Variants in SLIT3 observed in about 807,000 individuals in gnomAD.
SLIT3 encodes slit homolog 3 protein.
A neutral mutation model predicts 184.0 loss-of-function variants in SLIT3; 68 were observed. The ratio of observed to expected loss-of-function variants is 0.37; its 90% CI spans 0.30 to 0.45. The LOEUF (loss-of-function observed/expected upper bound fraction) is 0.45. SLIT3 is among the 20% of genes least tolerant of loss of function. The probability of loss-of-function intolerance (pLI) is 1.00; values close to 1 mark genes in which losing one functional copy is unlikely to be tolerated. For missense variants in SLIT3, 1,707 were observed against 2,026.0 expected, an observed-to-expected ratio of 0.84 and a Z score of 3.02; for synonymous variants, 831 against 828.6, an observed-to-expected ratio of 1.00 and a Z score of -0.05.
chr5:168,689,968 G>T (rs1056721284), intron 29 of SLIT3, among the ~76,000 whole-genome samples: 7 of 152,172 alleles, frequency 4.6e-5, no homozygotes, highest in African/African-American at 1.7e-4. Flanking sequence ...GATTATGAAA[G>T]CTAGACTGAT....
intron 4 of SLIT3, among the ~76,000 whole-genome samples, chr5:169,139,096 T>C (rs1192870450): frequency 6.6e-6 from 1 of 152,190 alleles, no homozygotes; most frequent in African/African-American, 2.4e-5. Context: ...AAGTCCTCTG[T>C]CACTGGTGAT....
chr5:169,277,540 C>G (rs919176001), intron 1 of SLIT3, among the ~76,000 whole-genome samples: 1 of 152,326 alleles, frequency 6.6e-6, no homozygotes, highest in African/African-American at 2.4e-5. Context: ...GAGTGGCCAG[C>G]AGAATGTTTT....
chr5:169,223,063 G>A (rs1435147520), intron 3 of SLIT3, among the ~76,000 whole-genome samples: 2 of 152,170 alleles, frequency 1.3e-5, no homozygotes, highest in Admixed American at 1.3e-4. Flanking sequence ...GGTTATTAAA[G>A]GCAACTGTAA....
intron 35 of SLIT3, among the ~76,000 whole-genome samples, chr5:168,667,358 TTTTGTATGCTA>T (rs1761090264): frequency 6.6e-6 from 1 of 152,250 alleles, no homozygotes; most frequent in South Asian, 2.1e-4. Flanking sequence ...CAGTATATGT[TTTTGTATGCTA>T]TAAGACATTT....
intron 4 of SLIT3, among the ~76,000 whole-genome samples, chr5:169,169,675 G>A (rs1278012660): frequency 6.6e-6 from 1 of 152,196 alleles, no homozygotes; most frequent in Non-Finnish European, 1.5e-5. Flanking sequence ...ATGGTAATTA[G>A]CACACCCCAA....
intron 2 of SLIT3, among the ~76,000 whole-genome samples, chr5:169,245,439 A>G (rs1440065756): frequency 6.6e-6 from 1 of 152,052 alleles, no homozygotes; most frequent in Non-Finnish European, 1.5e-5. Context: ...AGAATTTAGC[A>G]TATAATGAAA....
intron 16 of SLIT3, 81 bp downstream of exon 16, chr5:168,760,780 CG>C: frequency 9.8e-7 from 1 of 1,016,424 alleles, no homozygotes; most frequent in Non-Finnish European, 1.6e-6. Flanking sequence ...GGGGAGAGGC[CG>C]GTCCCCTGGT....
At chr5:169,104,204 A>G (rs761776076) in intron 4 of SLIT3, among the ~76,000 whole-genome samples, 19 of 152,156 alleles carry the variant, frequency 1.2e-4, no homozygotes, top group Non-Finnish European at 2.6e-4. Context: ...CCTTGCCAAG[A>G]GGTGCACCCA....
intron 1 of SLIT3, among the ~76,000 whole-genome samples, chr5:169,268,815 C>A (rs1766495334): frequency 6.6e-6 from 1 of 152,176 alleles, no homozygotes. Context: ...TGCTGGAAAA[C>A]TATAAAAATA....
intron 4 of SLIT3, among the ~76,000 whole-genome samples, chr5:168,907,967 T>TAGAG (rs1376618472): frequency 1.4e-3 from 111 of 80,186 alleles, no homozygotes; most frequent in Admixed American, 2.0e-3. Context: ...TATATATATA[T>TAGAG]ATATATATAT....
rs775516935 is a variant in SLIT3 at position 168,700,670 on chromosome 5, A to G, written c.2854T>C (p.Cys952Arg). The change falls in exon 27 of 36, where the codon TGC becomes CGC. Residue 952 changes from cysteine to arginine, a missense_variant. Cys to Arg is a radical substitution (Grantham distance 180). Transcript: ENST00000519560. ...ATGCAGGTGTTGATGGGCACAGTGC[A>G]GTCCTTGCCCTGAGGAGCAAAAGAG... ...ACPYSYKGKD[C>R]TVPINTCIQN... The G allele has an allele frequency of 4.3e-6, 7 of 1,613,792 alleles. No individual in the cohort carries two copies. Among genetic ancestry groups the G allele is most frequent in the Non-Finnish European group, 5.9e-6 (7 of 1,179,834 alleles).
intron 6 of SLIT3, among the ~76,000 whole-genome samples, chr5:168,835,561 C>T (rs1030894023): frequency 2.0e-5 from 3 of 151,648 alleles, no homozygotes; most frequent in South Asian, 2.1e-4. Context: ...GTAATCCCAG[C>T]GCTTTGGGAG....
intron 20 of SLIT3, among the ~76,000 whole-genome samples, chr5:168,737,525 G>A (rs1763478015): frequency 1.3e-5 from 2 of 152,242 alleles, no homozygotes; most frequent in African/African-American, 2.4e-5. Flanking sequence ...CTCAGACCCC[G>A]CATCCTAATA....
intron 4 of SLIT3, among the ~76,000 whole-genome samples, chr5:169,005,530 G>A (rs1356400133): frequency 2.6e-5 from 4 of 152,176 alleles, no homozygotes; most frequent in African/African-American, 9.7e-5. Context: ...CTGGGCCAAG[G>A]TTGAATGAGA....
At chr5:169,156,132 G>A (rs1329041564) in intron 4 of SLIT3, among the ~76,000 whole-genome samples, 3 of 152,164 alleles carry the variant, frequency 2.0e-5, no homozygotes, top group African/African-American at 7.2e-5. Context: ...GAAACATTCT[G>A]CAGAATGTCA....
At chr5:169,141,259 A>G (rs1369323477) in intron 4 of SLIT3, among the ~76,000 whole-genome samples, 2 of 152,142 alleles carry the variant, frequency 1.3e-5, no homozygotes, top group South Asian at 4.1e-4. Context: ...ACATCACCCC[A>G]CAAATAAACA....
intron 4 of SLIT3, among the ~76,000 whole-genome samples, chr5:169,027,932 A>G (rs2879135): frequency 0.3 from 45,822 of 152,064 alleles, 8,431 homozygotes; most frequent in East Asian, 0.53. Flanking sequence ...AAACTCCTTT[A>G]CTGGCAGGAG....
intron 3 of SLIT3, among the ~76,000 whole-genome samples, chr5:169,222,306 A>G (rs766184495): frequency 2.1e-4 from 32 of 152,200 alleles, no homozygotes; most frequent in Non-Finnish European, 4.4e-4. Flanking sequence ...TATCTAACAT[A>G]CATCACCAAA....
chr5:169,138,450 C>T (rs919342955), intron 4 of SLIT3, among the ~76,000 whole-genome samples: 6 of 152,186 alleles, frequency 3.9e-5, no homozygotes, highest in Non-Finnish European at 7.4e-5. Context: ...TCTCCTGCTG[C>T]CCCCATTTCT....
Sources: gnomAD v4.1 joint callset for allele counts (sites outside exome capture counted in the v4.1 genomes callset) on GRCh38, gnomAD v4.1.1 for gene constraint, MANE v1.5 for transcripts, NCBI Gene and HGNC (gene_info 2026-07-23, HGNC 2026-07-21) for gene names.